Variants in CEP128 observed in about 807,000 individuals in gnomAD.
The protein encoded by CEP128 is centrosomal protein 128.
Under a neutral mutation model 156.7 loss-of-function variants are expected in CEP128, and 132 were observed. That is an observed-to-expected ratio of 0.84 (90% CI 0.73 to 0.97). The LOEUF is 0.97. Among genes scored for constraint, CEP128 ranks in the 50% least tolerant of loss-of-function variants. CEP128 has a pLI of 0.00. For missense variants in CEP128, 1,252 were observed against 1,281.9 expected (o/e 0.98, Z 0.36); for synonymous variants, 469 against 448.9 (o/e 1.04, Z -0.57).
chr14:80,874,304 A>T (rs1168969755), intron 8 of CEP128, among the ~76,000 whole-genome samples: 6 of 151,920 alleles, frequency 3.9e-5, no homozygotes, highest in African/African-American at 1.5e-4. Context: ...TCTCTATTAA[A>T]AATACAAAAA....
chr14:80,723,904 G>A (rs927038632), intron 19 of CEP128, among the ~76,000 whole-genome samples: 2 of 152,160 alleles, frequency 1.3e-5, no homozygotes, highest in African/African-American at 4.8e-5. Flanking sequence ...CAGTGTCCTG[G>A]GAAGTTTTAG....
At chr14:80,620,498 T>C (rs1373306442) in intron 19 of CEP128, among the ~76,000 whole-genome samples, 1 of 152,038 alleles carries the variant, frequency 6.6e-6, no homozygotes, top group Non-Finnish European at 1.5e-5. Flanking sequence ...AAAGAAAAGA[T>C]AAGACAATTG....
intron 19 of CEP128, among the ~76,000 whole-genome samples, chr14:80,632,384 T>C (rs1302761880): frequency 5.4e-5 from 8 of 148,942 alleles, no homozygotes; most frequent in African/African-American, 1.7e-4. Flanking sequence ...TTATATAATA[T>C]ACTCTGTATA....
chr14:80,693,504 A>G (rs532678174), intron 19 of CEP128, among the ~76,000 whole-genome samples: 1 of 152,182 alleles, frequency 6.6e-6, no homozygotes, highest in African/African-American at 2.4e-5. Context: ...TTCCTATATT[A>G]AACTTAATTT....
intron 12 of CEP128, among the ~76,000 whole-genome samples, chr14:80,833,208 C>A (rs568222830): frequency 1.1e-4 from 17 of 151,198 alleles, no homozygotes; most frequent in Middle Eastern, 6.8e-3. Flanking sequence ...TAACATGTCT[C>A]AATAATATGT....
intron 19 of CEP128, among the ~76,000 whole-genome samples, chr14:80,619,387 C>CACACACACACAG (rs1555383095): frequency 1.1e-4 from 16 of 151,484 alleles, no homozygotes; most frequent in African/African-American, 3.9e-4. Context: ...CACACACACA[C>CACACACACACAG]ACACACACAC....
At chr14:80,748,111 C>T (rs765994413) in intron 18 of CEP128, among the ~76,000 whole-genome samples, 1 of 152,076 alleles carries the variant, frequency 6.6e-6, no homozygotes, top group South Asian at 2.1e-4. Context: ...TATGAATAAA[C>T]GAGACCTGGC....
intron 19 of CEP128, among the ~76,000 whole-genome samples, chr14:80,704,831 T>A (rs1429721338): frequency 6.6e-6 from 1 of 152,010 alleles, no homozygotes; most frequent in Admixed American, 6.6e-5. Flanking sequence ...GTTTTTTCCT[T>A]TTTTAAACTC....
intron 19 of CEP128, among the ~76,000 whole-genome samples, chr14:80,682,253 A>C (rs1409498972): frequency 4.6e-5 from 7 of 152,252 alleles, no homozygotes; most frequent in Non-Finnish European, 7.3e-5. Flanking sequence ...TAAGCATCTT[A>C]AAAAACAATC....
chr14:80,905,351 T>A (rs1883827812), intron 5 of CEP128: 1 of 156,248 alleles, frequency 6.4e-6, no homozygotes, highest in Non-Finnish European at 1.4e-5. Context: ...GAAAAAATAG[T>A]GCCCAATTTT....
intron 16 of CEP128, 30 bp downstream of exon 16, chr14:80,777,839 ATTGAAATTAGAAT>A: frequency 4.3e-6 from 6 of 1,385,760 alleles, no homozygotes; most frequent in African/African-American, 1.4e-5. Flanking sequence ...GGAAATTAAA[ATTGAAATTAGAAT>A]TTGAAATTAG....
Position 80,836,322 on chromosome 14 carries a change from T to G in CEP128, c.940A>C (p.Thr314Pro). The G allele has an allele frequency of 6.2e-7, 1 of 1,614,086 alleles. No homozygotes were observed. The highest frequency in any genetic ancestry group is 8.5e-7 in the Non-Finnish European group (1 of 1,179,978). The change falls in exon 12 of 25, where the codon ACA becomes CCA. Residue 314 changes from threonine (T) to proline (P), a missense_variant. Physicochemically the swap from Thr to Pro is conservative, Grantham distance 38 (BLOSUM62 -1). Coordinates refer to ENST00000555265, the MANE Select transcript of CEP128 (RefSeq NM_152446.5). ...TLLHQVEELRTQLTKAEGDRK... is the reference protein window; with the variant it reads ...TLLHQVEELRPQLTKAEGDRK... ...TCACCTTCTGCTTTCGTAAGTTGTG[T>G]ACGCAGTTCTTCTACCTAACACATG...
chr14:80,717,335 T>C (rs574561902), intron 19 of CEP128, among the ~76,000 whole-genome samples: 13 of 152,332 alleles, frequency 8.5e-5, no homozygotes, highest in African/African-American at 2.6e-4. Context: ...TCAGTTCTAA[T>C]AGAAGGCTAT....
chr14:80,598,567 T>C (rs1322178225), intron 19 of CEP128, among the ~76,000 whole-genome samples: 3 of 152,164 alleles, frequency 2.0e-5, no homozygotes, highest in East Asian at 1.9e-4. Context: ...GCAAGTTCCA[T>C]ACAATTTCTA....
chr14:80,904,044 T>C (rs28856091), intron 6 of CEP128, among the ~76,000 whole-genome samples: 9,940 of 152,240 alleles, frequency 0.065, 1,076 homozygotes, highest in African/African-American at 0.23. Context: ...CACTCTCATG[T>C]TCATTGCAGC....
chr14:80,547,545 G>T (rs1890036778), intron 21 of CEP128, among the ~76,000 whole-genome samples: 2 of 152,176 alleles, frequency 1.3e-5, no homozygotes, highest in Non-Finnish European at 2.9e-5. Context: ...GAGGGGTATT[G>T]ACAAGGATTT....
intron 19 of CEP128, among the ~76,000 whole-genome samples, chr14:80,613,461 G>T (rs1405559921): frequency 1.4e-5 from 2 of 148,036 alleles, no homozygotes; most frequent in African/African-American, 5.2e-5. Flanking sequence ...CGCCACCATG[G>T]CTGGCTAATT....
At chr14:80,858,741 T>TGAACA in intron 9 of CEP128, among the ~76,000 whole-genome samples, 1 of 151,470 alleles carries the variant, frequency 6.6e-6, no homozygotes, top group South Asian at 2.1e-4. Flanking sequence ...GCGAAGGACA[T>TGAACA]GAACAGACAC....
downstream of CEP128, among the ~76,000 whole-genome samples, chr14:80,491,774 T>G (rs1335059835): frequency 6.6e-6 from 1 of 152,230 alleles, no homozygotes; most frequent in Admixed American, 6.5e-5. Context: ...TGTGACTTTA[T>G]AGTGAACATC....
Sources: allele counts gnomAD v4.1 joint callset (sites outside exome capture counted in the v4.1 genomes callset), GRCh38; gene constraint gnomAD v4.1.1; transcripts MANE v1.5; gene names NCBI Gene and HGNC (gene_info 2026-07-23, HGNC 2026-07-21).